Variants in MIPOL1 observed in about 807,000 individuals in gnomAD.
MIPOL1 encodes the protein mirror-image polydactyly gene 1 protein.
Under a neutral mutation model 60.9 loss-of-function variants are expected in MIPOL1, and 57 were observed. That is an observed-to-expected ratio of 0.94 (90% CI 0.76 to 1.17). The LOEUF is 1.17. Among genes scored for constraint, MIPOL1 ranks in the 50% most tolerant of loss-of-function variants. The probability of loss-of-function intolerance (pLI) is 0.00; values close to 1 mark genes in which losing one functional copy is unlikely to be tolerated. For missense variants in MIPOL1, 551 were observed against 511.6 expected, an observed-to-expected ratio of 1.08 and a Z score of -0.74; for synonymous variants, 179 against 168.8, an observed-to-expected ratio of 1.06 and a Z score of -0.47.
intron 7 of MIPOL1, among the ~76,000 whole-genome samples, chr14:37,307,723 A>G (rs1239339249): frequency 2.6e-5 from 4 of 152,082 alleles, no homozygotes; most frequent in African/African-American, 9.7e-5. Flanking sequence ...TCTGATAAAA[A>G]TGGAAAGTCC....
intron 11 of MIPOL1, among the ~76,000 whole-genome samples, chr14:37,494,891 A>G (rs1336287683): frequency 6.6e-6 from 1 of 152,150 alleles, no homozygotes; most frequent in Non-Finnish European, 1.5e-5. Context: ...CAGGTTTCCA[A>G]GGTATTTTGA....
chr14:37,279,254 T>A (rs1010440457), intron 6 of MIPOL1, among the ~76,000 whole-genome samples: 4 of 149,262 alleles, frequency 2.7e-5, no homozygotes, highest in Non-Finnish European at 5.9e-5. Flanking sequence ...AAAGTTTGTA[T>A]GACATACGAG....
chr14:37,280,491 G>A (rs868180165), intron 6 of MIPOL1, among the ~76,000 whole-genome samples: 2 of 152,082 alleles, frequency 1.3e-5, no homozygotes, highest in South Asian at 2.1e-4. Flanking sequence ...GTTATCTTTC[G>A]TGTTTTTGAT....
intron 12 of MIPOL1, among the ~76,000 whole-genome samples, chr14:37,515,383 A>G (rs953460060): frequency 6.6e-6 from 1 of 151,896 alleles, no homozygotes; most frequent in Non-Finnish European, 1.5e-5. Context: ...AAGATTCTAC[A>G]AATTCCATGT....
chr14:37,440,496 A>T (rs2094225133), intron 11 of MIPOL1, among the ~76,000 whole-genome samples: 1 of 152,054 alleles, frequency 6.6e-6, no homozygotes, highest in Admixed American at 6.6e-5. Context: ...CACATTTTTT[A>T]GCACCCAGTT....
intron 4 of MIPOL1, 150 bp from the exon 5 acceptor site, chr14:37,268,508 A>G: frequency 1.8e-6 from 1 of 553,214 alleles, no homozygotes; most frequent in Non-Finnish European, 3.2e-6. Flanking sequence ...CAAATTTAAT[A>G]TAAGGCCTTC....
At chr14:37,303,782 C>G (rs569834281) in intron 7 of MIPOL1, among the ~76,000 whole-genome samples, 4 of 151,840 alleles carry the variant, frequency 2.6e-5, no homozygotes, top group Non-Finnish European at 5.9e-5. Context: ...GTCAAATTGA[C>G]TTAAGTAAAT....
intron 6 of MIPOL1, among the ~76,000 whole-genome samples, chr14:37,275,578 A>G (rs1393779965): frequency 1.3e-5 from 2 of 151,306 alleles, no homozygotes; most frequent in South Asian, 4.1e-4. Flanking sequence ...AAACAGTCAC[A>G]GTGGGCATTA....
At chr14:37,204,863 A>G in intron 1 of MIPOL1, among the ~76,000 whole-genome samples, 1 of 152,140 alleles carries the variant, frequency 6.6e-6, no homozygotes, top group South Asian at 2.1e-4. Context: ...AGGGCTCAGA[A>G]GAAGACAGGA....
intron 1 of MIPOL1, among the ~76,000 whole-genome samples, chr14:37,243,033 G>A (rs530831474): frequency 6.6e-6 from 1 of 152,208 alleles, no homozygotes; most frequent in South Asian, 2.1e-4. Context: ...ACAGAAAGAA[G>A]ACCAGCATGA....
chr14:37,500,196 T>A, intron 12 of MIPOL1, 58 bp downstream of exon 12: 2 of 1,150,564 alleles, frequency 1.7e-6, no homozygotes, highest in Non-Finnish European at 2.5e-6. Context: ...CAAAACACTT[T>A]CTTTTGGGAA....
intron 11 of MIPOL1, among the ~76,000 whole-genome samples, chr14:37,481,461 A>G (rs2094863256): frequency 6.6e-6 from 1 of 152,020 alleles, no homozygotes; most frequent in Admixed American, 6.6e-5. Context: ...TGATCTACCC[A>G]AAATGATATA....
In MIPOL1 at chr14:37,357,288, A is replaced by G. The variant is rs141134118; in HGVS notation, c.829-12229A>G. Among the ~76,000 whole-genome samples the G allele has an allele frequency of 5.9e-5, 9 of 152,204 alleles. No individual in the cohort carries two copies. The East Asian group carries it at 1.2e-3, about 20-fold the overall frequency. ...CTCTTCACTTTGTTGATTGTTTCCT[A>G]TGCTGTGCAGATTTTTAACTTGATG... On this transcript the variant is annotated intron_variant, in intron 9 of 12. Coordinates refer to ENST00000684589, the MANE Select transcript of MIPOL1 (RefSeq NM_001388067.1).
intron 10 of MIPOL1, among the ~76,000 whole-genome samples, chr14:37,414,670 C>T (rs1381784301): frequency 6.6e-6 from 1 of 152,168 alleles, no homozygotes; most frequent in Non-Finnish European, 1.5e-5. Flanking sequence ...AGCACAATTA[C>T]ATGTTTATGC....
intron 11 of MIPOL1, among the ~76,000 whole-genome samples, chr14:37,454,226 C>G (rs967358668): frequency 6.6e-6 from 1 of 152,180 alleles, no homozygotes; most frequent in African/African-American, 2.4e-5. Flanking sequence ...ATGCTCATGG[C>G]TCCAGATTCC....
chr14:37,217,809 C>G (rs1968004828), intron 1 of MIPOL1, among the ~76,000 whole-genome samples: 1 of 152,168 alleles, frequency 6.6e-6, no homozygotes, highest in South Asian at 2.1e-4. Context: ...AACTGAAATT[C>G]TTTCCTCTGA....
chr14:37,389,159 G>A (rs1467597901), intron 10 of MIPOL1, among the ~76,000 whole-genome samples: 4 of 151,788 alleles, frequency 2.6e-5, no homozygotes, highest in Non-Finnish European at 5.9e-5. Context: ...CATGAATAGG[G>A]GAAGAATGAT....
chr14:37,545,174 A>G (rs2095542841), intron 12 of MIPOL1, among the ~76,000 whole-genome samples: 1 of 152,244 alleles, frequency 6.6e-6, no homozygotes, highest in Non-Finnish European at 1.5e-5. Context: ...AAGCAATGCT[A>G]CTAATATCTT....
intron 9 of MIPOL1, among the ~76,000 whole-genome samples, chr14:37,366,795 C>T (rs1372441945): frequency 2.0e-5 from 3 of 151,948 alleles, no homozygotes; most frequent in Admixed American, 2.0e-4. Context: ...CTCTCTTTAG[C>T]TCTAATAATA....
Sources: allele counts gnomAD v4.1 joint callset (sites outside exome capture counted in the v4.1 genomes callset), GRCh38; gene constraint gnomAD v4.1.1; transcripts MANE v1.5; gene names NCBI Gene and HGNC (gene_info 2026-07-23, HGNC 2026-07-21).